Variants in PCDH9 observed in about 807,000 individuals in gnomAD.
PCDH9 encodes protocadherin 9.
A neutral mutation model predicts 70.6 loss-of-function variants in PCDH9; 24 were observed. The observed-to-expected ratio is 0.34, with a 90% CI of 0.25 to 0.48. PCDH9 has a LOEUF of 0.48. Ranked by LOEUF, PCDH9 falls within the 20% of genes least tolerant of loss-of-function variation. PCDH9 has a pLI of 0.99. For missense variants in PCDH9, 1,281 were observed against 1,503.6 expected (o/e 0.85, Z 2.45); for synonymous variants, 562 against 558.5 (o/e 1.01, Z -0.09).
intron 4 of PCDH9, among the ~76,000 whole-genome samples, chr13:66,599,549 T>A (rs1481772376): frequency 1.4e-5 from 2 of 144,370 alleles, no homozygotes; most frequent in East Asian, 3.9e-4. Flanking sequence ...ATATTTTTAA[T>A]TAATTTTTTT....
intron 3 of PCDH9, among the ~76,000 whole-genome samples, chr13:66,643,828 T>C (rs1279356495): frequency 1.3e-5 from 2 of 152,040 alleles, no homozygotes; most frequent in Non-Finnish European, 2.9e-5. Context: ...TAAGTTCTCT[T>C]GACTCTAAGA....
chr13:66,751,593 A>G (rs2079460443), intron 3 of PCDH9, among the ~76,000 whole-genome samples: 1 of 152,202 alleles, frequency 6.6e-6, no homozygotes. Flanking sequence ...AGATTTCATG[A>G]AAGCAAGCAA....
intron 4 of PCDH9, among the ~76,000 whole-genome samples, chr13:66,559,812 A>AT (rs1961917968): frequency 1.6e-5 from 1 of 64,290 alleles, no homozygotes; most frequent in African/African-American, 5.1e-5. Context: ...AAAAAAAAAA[A>AT]AAAAAATATA....
intron 3 of PCDH9, among the ~76,000 whole-genome samples, chr13:66,642,322 G>C (rs1430425751): frequency 6.6e-6 from 1 of 151,876 alleles, no homozygotes; most frequent in African/African-American, 2.4e-5. Context: ...GTCCAAAAAA[G>C]GCCTTTTTGG....
At chr13:66,764,251 GA>G (rs5804295) in intron 3 of PCDH9, among the ~76,000 whole-genome samples, 42,489 of 141,340 alleles carry the variant, frequency 0.3, 6,322 homozygotes, top group East Asian at 0.44. Context: ...TGTATGCACT[GA>G]AAAAAAAAAA....
At chr13:67,160,557 A>G (rs1271547901) in intron 2 of PCDH9, among the ~76,000 whole-genome samples, 1 of 142,910 alleles carries the variant, frequency 7.0e-6, no homozygotes, top group Non-Finnish European at 1.5e-5. Context: ...AAAAAAAAAA[A>G]GTGATATACT....
chr13:66,829,969 G>C (rs1420412559), intron 3 of PCDH9, among the ~76,000 whole-genome samples: 5 of 151,240 alleles, frequency 3.3e-5, no homozygotes, highest in Non-Finnish European at 5.9e-5. Context: ...TTTTTCTTTA[G>C]TTTTGAATTT....
intron 4 of PCDH9, among the ~76,000 whole-genome samples, chr13:66,475,390 T>C (rs1416502121): frequency 1.3e-5 from 2 of 152,110 alleles, no homozygotes; most frequent in African/African-American, 4.8e-5. Context: ...TATGATATTT[T>C]ACTACATACT....
At chr13:66,893,765 A>G (rs1247581060) in intron 3 of PCDH9, among the ~76,000 whole-genome samples, 1 of 152,076 alleles carries the variant, frequency 6.6e-6, no homozygotes, top group Non-Finnish European at 1.5e-5. Context: ...ATAACCTAAT[A>G]TGTTTTATTC....
rs35940776 is a variant in PCDH9, at chr13:66,532,167, G to GT, written c.3340+99042dup. ...CACCATGTCCAGCTATTTTTTAGTG[G>GT]TTTTTTTTTTTTCTTTTGTAGAGAC... is the stretch of plus-strand genomic sequence containing the variant. On this transcript the variant is annotated intron_variant, in intron 4 of 4. Coordinates refer to ENST00000377865, the MANE Select transcript of PCDH9 (RefSeq NM_203487.3). Among the ~76,000 whole-genome samples, 677 of 146,928 alleles carry GT rather than the reference G, an allele frequency of 4.6e-3. 1 individual carries two copies. The highest frequency in any genetic ancestry group is 0.014 in the African/African-American group (558 of 40,100).
intron 2 of PCDH9, among the ~76,000 whole-genome samples, chr13:67,129,290 A>T (rs1304333617): frequency 3.3e-5 from 5 of 152,206 alleles, no homozygotes; most frequent in Non-Finnish European, 5.9e-5. Flanking sequence ...GAATCTGGCA[A>T]TTGCTATAAT....
chr13:66,892,776 A>G (rs987499602), intron 3 of PCDH9, among the ~76,000 whole-genome samples: 2 of 152,082 alleles, frequency 1.3e-5, no homozygotes, highest in Admixed American at 6.6e-5. Context: ...ATTATTGAAG[A>G]TTATATCTAA....
At chr13:66,470,592 A>G (rs1485218492) in intron 4 of PCDH9, among the ~76,000 whole-genome samples, 3 of 152,190 alleles carry the variant, frequency 2.0e-5, no homozygotes, top group African/African-American at 4.8e-5. Flanking sequence ...AATGGCATAT[A>G]CAAACATTTC....
intron 3 of PCDH9, among the ~76,000 whole-genome samples, chr13:66,716,340 A>T (rs2078865797): frequency 6.6e-6 from 1 of 152,224 alleles, no homozygotes; most frequent in Non-Finnish European, 1.5e-5. Flanking sequence ...GGTTTAGACA[A>T]ATTAATGTAT....
intron 4 of PCDH9, among the ~76,000 whole-genome samples, chr13:66,518,477 G>A (rs1959844180): frequency 1.3e-5 from 2 of 151,984 alleles, no homozygotes; most frequent in Non-Finnish European, 1.5e-5. Context: ...AATAATAGCT[G>A]ATTTTTGACC....
chr13:66,748,175 G>T (rs1383554303), intron 3 of PCDH9, among the ~76,000 whole-genome samples: 1 of 152,132 alleles, frequency 6.6e-6, no homozygotes, highest in Non-Finnish European at 1.5e-5. Context: ...ACTTTGGCAA[G>T]ACTATGGAAG....
rs905826310 is a variant in PCDH9 at position 67,016,220 on chromosome 13, T to C, written c.3037-112615A>G. ...TACTAAAAGTATGAATATTTCTTCA[T>C]AGCATAAAGAAAATAAGACTAATAG... On this transcript the variant is annotated intron_variant, in intron 2 of 4. Coordinates refer to ENST00000377865, the MANE Select transcript of PCDH9 (RefSeq NM_203487.3). 3.3e-5 allele frequency among the ~76,000 whole-genome samples: 5 copies of C among 152,272 alleles called. 1 individual carries two copies. Among genetic ancestry groups the C allele is most frequent in the South Asian group, 4.1e-4 (2 of 4,826 alleles).
intron 3 of PCDH9, among the ~76,000 whole-genome samples, chr13:66,682,004 T>G (rs904488007): frequency 2.0e-5 from 3 of 149,158 alleles, no homozygotes; most frequent in Non-Finnish European, 4.5e-5. Context: ...TTTGTTTTGG[T>G]TTTAGTTTTC....
intron 4 of PCDH9, among the ~76,000 whole-genome samples, chr13:66,608,320 T>G (rs2077247702): frequency 6.6e-6 from 1 of 152,170 alleles, no homozygotes; most frequent in Non-Finnish European, 1.5e-5. Context: ...TTGCCTAGAA[T>G]AAACATTCTA....
Sources: gnomAD v4.1 joint callset for allele counts (sites outside exome capture counted in the v4.1 genomes callset) on GRCh38, gnomAD v4.1.1 for gene constraint, MANE v1.5 for transcripts, NCBI Gene and HGNC (gene_info 2026-07-23, HGNC 2026-07-21) for gene names.